CCDC80: variants seen among roughly 807,000 people sequenced by gnomAD.
CCDC80 encodes the protein coiled-coil domain-containing protein 80.
A neutral mutation model predicts 78.7 loss-of-function variants in CCDC80; 49 were observed. The ratio of observed to expected loss-of-function variants is 0.62; its 90% confidence interval spans 0.50 to 0.79. CCDC80 has a LOEUF of 0.79. Among genes scored for constraint, CCDC80 ranks in the 30% least tolerant of loss-of-function variants. The pLI is 0.00. For synonymous variants in CCDC80, 488 were observed against 447.0 expected (o/e 1.09, Z -1.16); for missense variants, 1,205 against 1,198.6 (o/e 1.01, Z -0.08).
Position 112,639,096 on chromosome 3 carries a change from C to T in CCDC80, c.810G>A (p.Glu270=). 6.2e-7 allele frequency: 1 copy of T among 1,614,022 alleles called. No homozygotes were observed. The highest frequency in any genetic ancestry group is 1.1e-5 in the South Asian group (1 of 91,088). The change falls in exon 2 of 8, where the codon GAG becomes GAA. Residue 270 remains glutamate, a synonymous_variant. Transcript: ENST00000206423. ...GGACAAAGCCCTTCTGCCTGATCTT[C>T]TCGATCCTACGGATGGGGCCTTGGT... ...VIDQGPIRRI[E]KIRQKGFVQK...
In CCDC80 at chr3:112,601,715, C is replaced by A. The variant is rs1935380184; in HGVS notation, c.*3702G>T. 1 of 139,110 alleles carries A rather than the reference C, an allele frequency of 7.2e-6. No individual in the cohort carries two copies. The highest frequency in any genetic ancestry group is 6.9e-5 in the Admixed American group (1 of 14,592). 8.6% of individuals were successfully genotyped at this position (139,110 alleles called of 1,614,324 possible). The stretch of plus-strand genomic sequence containing the variant: ...AAAAAAAGAGAAAAAAAAGAAGCAG[C>A]AGCAACGAAAGGAGGGAGGAAGGGA... On this transcript the variant is annotated 3_prime_UTR_variant, in exon 8 of 8. Transcript: ENST00000206423.
rs2107498135 is a variant in CCDC80 at position 112,638,683 on chromosome 3, G to T, written c.1223C>A (p.Pro408His). The change falls in exon 2 of 8, where the codon CCC becomes CAC. Residue 408 changes from proline (P) to histidine (H), a missense_variant. Physicochemically the swap from Pro to His is moderately conservative, Grantham distance 77. Transcript: ENST00000206423. ...AGGGTAAAGATTCTCTGAAACTGAG[G>T]GTCTCCTGGCAGTGATCACCTCAGT... is the stretch of plus-strand genomic sequence containing the variant. ...TTTEVITARR[P>H]SVSENLYPPS... is the part of the protein sequence containing the mutation. 1 of 1,614,012 alleles carries T rather than the reference G, an allele frequency of 6.2e-7. No homozygotes were observed. The highest frequency in any genetic ancestry group is 1.1e-5 in the South Asian group (1 of 91,070).
intron 3 of CCDC80, among the ~76,000 whole-genome samples, chr3:112,621,137 T>C (rs1006329284): frequency 2.0e-5 from 3 of 152,178 alleles, no homozygotes; most frequent in Non-Finnish European, 4.4e-5. Flanking sequence ...CTACAGCTTC[T>C]TCCTATGGGA....
At chr3:112,627,464 G>A (rs1473362783) in intron 3 of CCDC80, among the ~76,000 whole-genome samples, 1 of 152,232 alleles carries the variant, frequency 6.6e-6, no homozygotes, top group Non-Finnish European at 1.5e-5. Flanking sequence ...TAGCAAGATG[G>A]ACCAGCTGGT....
intron 3 of CCDC80, among the ~76,000 whole-genome samples, chr3:112,627,965 A>C (rs1465856035): frequency 6.6e-6 from 1 of 152,110 alleles, no homozygotes; most frequent in Admixed American, 6.6e-5. Flanking sequence ...CCAAGGCAGT[A>C]CCAGATGCTT....
At chr3:112,622,501 A>G (rs145334980) in intron 3 of CCDC80, among the ~76,000 whole-genome samples, 2 of 152,256 alleles carry the variant, frequency 1.3e-5, no homozygotes, top group East Asian at 1.9e-4. Context: ...TCTGCATTCT[A>G]TCTAAATCAG....
intron 6 of CCDC80, among the ~76,000 whole-genome samples, chr3:112,608,333 G>A (rs1935554542): frequency 6.6e-6 from 1 of 152,132 alleles, no homozygotes; most frequent in Admixed American, 6.5e-5. Flanking sequence ...CTAAAATCTA[G>A]GCAAAATGCT....
intron 5 of CCDC80, among the ~76,000 whole-genome samples, chr3:112,613,557 G>A (rs1463485707): frequency 6.6e-6 from 1 of 152,068 alleles, no homozygotes; most frequent in Non-Finnish European, 1.5e-5. Context: ...TTTTGTGAAT[G>A]AAGAAAATTG....
chr3:112,612,863 T>TC (rs1218814337), intron 5 of CCDC80, among the ~76,000 whole-genome samples: 1 of 131,036 alleles, frequency 7.6e-6, no homozygotes, highest in East Asian at 3.0e-4. Context: ...TACAGGACTG[T>TC]AATTTTTTTT....
chr3:112,605,737 C>G lies in CCDC80; in HGVS notation c.2533G>C (p.Val845Leu), dbSNP rs758154245. 6.2e-7 allele frequency: 1 copy of G among 1,613,908 alleles called. No individual in the cohort carries two copies. Among genetic ancestry groups the G allele is most frequent in the Non-Finnish European group, 8.5e-7 (1 of 1,179,870 alleles). ...NGSSVVERED[V>L]PAHLVKDIRN... ...ATGTCTTTCACCAAATGGGCTGGTACGTCTTCTCGCTCAACAACAGAGCTC... is the reference window on the plus strand; with the variant it reads ...ATGTCTTTCACCAAATGGGCTGGTAGGTCTTCTCGCTCAACAACAGAGCTC... The change falls in exon 8 of 8, where the codon GTA becomes CTA. Residue 845 changes from valine to leucine, a missense_variant. Val to Leu is a conservative substitution (Grantham distance 32). Coordinates refer to ENST00000206423, the MANE Select transcript of CCDC80 (RefSeq NM_199511.3).
chr3:112,619,333 C>G (rs1935816615), intron 3 of CCDC80, among the ~76,000 whole-genome samples: 1 of 152,238 alleles, frequency 6.6e-6, no homozygotes, highest in South Asian at 2.1e-4. Context: ...GGCTCCATCT[C>G]TGTCCATCCT....
intron 2 of CCDC80, among the ~76,000 whole-genome samples, chr3:112,631,444 A>G (rs745869673): frequency 6.6e-6 from 1 of 152,222 alleles, no homozygotes; most frequent in Non-Finnish European, 1.5e-5. Flanking sequence ...CCTTTGTTGC[A>G]TCATCACTAA....
chr3:112,637,621 C>T (rs1386506832), intron 2 of CCDC80, among the ~76,000 whole-genome samples: 2 of 152,234 alleles, frequency 1.3e-5, no homozygotes, highest in Non-Finnish European at 2.9e-5. Context: ...GAAGTCAATG[C>T]ACTCCCTTTT....
chr3:112,605,276 T>C lies in CCDC80; in HGVS notation c.*141A>G, dbSNP rs1935457321. 1.7e-6 allele frequency: 1 copy of C among 582,326 alleles called. No individual in the cohort carries two copies. Among genetic ancestry groups the C allele is most frequent in the African/African-American group, 1.9e-5 (1 of 53,730 alleles). 36.1% of individuals were successfully genotyped at this position (582,326 alleles called of 1,614,324 possible). On this transcript the variant is annotated 3_prime_UTR_variant, in exon 8 of 8. Transcript: ENST00000206423. ...TAATAACTCATGAATAGGTGAAAGT[T>C]TGCTATTTATTTAGTCTTAGAAAAA...
At position 112,604,737 on chromosome 3, in the gene CCDC80, G is replaced by T. The variant is rs1248169886; in HGVS notation, c.*680C>A. 6.6e-6 allele frequency: 1 copy of T among 152,224 alleles called. No homozygotes were observed. Among genetic ancestry groups the T allele is most frequent in the Non-Finnish European group, 1.5e-5 (1 of 68,052 alleles). The allele number at this position is 152,224 out of a possible 1,614,324, so 9.4% of individuals were successfully genotyped here. On this transcript the variant is annotated 3_prime_UTR_variant, in exon 8 of 8. Coordinates refer to ENST00000206423, the MANE Select transcript of CCDC80 (RefSeq NM_199511.3). ...AACTCTGGAAGTATCGCCTTTGGCTGCAGTGCCAGATTCTGGTGAGGATTT... is the reference window on the plus strand; with the variant it reads ...AACTCTGGAAGTATCGCCTTTGGCTTCAGTGCCAGATTCTGGTGAGGATTT...
chr3:112,605,245 T>C lies in CCDC80; in HGVS notation c.*172A>G. The C allele has an allele frequency of 2.0e-6, 1 of 509,508 alleles. No individual in the cohort carries two copies. The allele number at this position is 509,508 out of a possible 1,614,324, so 31.6% of individuals were successfully genotyped here. A position where few individuals can be genotyped will look rare whatever the true frequency, so the allele number is the denominator to read the frequency against. Reference sequence around the variant, plus strand: ...TTTTAAATGTCTTTATGATTTGAGGTTTCAATAATAACTCATGAATAGGTG... The same window carrying C: ...TTTTAAATGTCTTTATGATTTGAGGCTTCAATAATAACTCATGAATAGGTG... On this transcript the variant is annotated 3_prime_UTR_variant, in exon 8 of 8. Transcript: ENST00000206423.
rs1935810636 is a variant in CCDC80, at chr3:112,619,043, G to A, written c.2097C>T (p.Ser699=). The change falls in exon 4 of 8, where the codon AGC becomes AGT. Residue 699 remains serine (S), a synonymous_variant. Coordinates refer to ENST00000206423, the MANE Select transcript of CCDC80 (RefSeq NM_199511.3). ...TCATTCCGTACTCTTTCCTCAGCTC[G>A]CTGATGAGACGCTGGTCTACCAAGT... is the stretch of plus-strand genomic sequence containing the variant. ...DEDLVDQRLI[S]ELRKEYGMTY... 4 of 1,610,916 alleles carry A rather than the reference G, an allele frequency of 2.5e-6. No individual in the cohort carries two copies. The highest frequency in any genetic ancestry group is 3.4e-6 in the Non-Finnish European group (4 of 1,179,100).
chr3:112,623,952 A>G (rs908732979), intron 3 of CCDC80, among the ~76,000 whole-genome samples: 1 of 152,188 alleles, frequency 6.6e-6, no homozygotes, highest in Non-Finnish European at 1.5e-5. Flanking sequence ...CCCCCTAGAT[A>G]TGAGTAATTC....
intron 2 of CCDC80, among the ~76,000 whole-genome samples, chr3:112,633,987 G>C (rs963120372): frequency 1.3e-5 from 2 of 152,156 alleles, no homozygotes; most frequent in Non-Finnish European, 2.9e-5. Context: ...CATGGCTTCT[G>C]TTCCAACTGG....
Sources: gnomAD v4.1 joint callset for allele counts (sites outside exome capture counted in the v4.1 genomes callset) on GRCh38, gnomAD v4.1.1 for gene constraint, MANE v1.5 for transcripts, NCBI Gene and HGNC (gene_info 2026-07-23, HGNC 2026-07-21) for gene names.